The following LPAR1 variants were observed in gnomAD, a reference collection of about 807,000 sequenced individuals.
LPAR1 encodes the protein lysophosphatidic acid receptor 1.
Under a neutral mutation model 23.8 loss-of-function variants are expected in LPAR1, and 5 were observed. That is an observed-to-expected ratio of 0.21 (90% confidence interval 0.11 to 0.44). LPAR1 has a LOEUF of 0.44. Among genes scored for constraint, LPAR1 ranks in the 20% least tolerant of loss-of-function variants. The probability of loss-of-function intolerance (pLI) is 0.99; values close to 1 mark genes in which losing one functional copy is unlikely to be tolerated. For synonymous variants in LPAR1, 160 were observed against 164.7 expected, an observed-to-expected ratio of 0.97 and a Z score of 0.22; for missense variants, 311 against 482.8, an observed-to-expected ratio of 0.64 and a Z score of 3.33.
intron 2 of LPAR1, among the ~76,000 whole-genome samples, chr9:111,034,060 G>A (rs1458219234): frequency 6.6e-6 from 1 of 152,192 alleles, no homozygotes; most frequent in East Asian, 1.9e-4. Context: ...AAGATAATGA[G>A]TTAAATGCTT....
At chr9:111,024,772 C>A (rs956555806) in intron 2 of LPAR1, among the ~76,000 whole-genome samples, 11 of 151,836 alleles carry the variant, frequency 7.2e-5, no homozygotes, top group African/African-American at 2.7e-4. Context: ...CATTGTTCAA[C>A]TCCCACTTAT....
intron 5 of LPAR1, among the ~76,000 whole-genome samples, chr9:110,886,150 A>G (rs1248067302): frequency 6.8e-6 from 1 of 148,028 alleles, no homozygotes; most frequent in Non-Finnish European, 1.5e-5. Context: ...GTGAGCCAAG[A>G]TTGCACCATT....
chr9:110,979,051 C>T (rs62573240), intron 2 of LPAR1, among the ~76,000 whole-genome samples: 18,764 of 151,900 alleles, frequency 0.12, 1,189 homozygotes, highest in Middle Eastern at 0.16. Flanking sequence ...AATGATGATA[C>T]ATGGTATTCT....
At chr9:110,926,841 A>AGGGTT (rs2094075482) in intron 5 of LPAR1, among the ~76,000 whole-genome samples, 1 of 152,192 alleles carries the variant, frequency 6.6e-6, no homozygotes, top group Admixed American at 6.5e-5. Context: ...AAAGGTGAAA[A>AGGGTT]GGGTTTTAAA....
At chr9:110,978,345 G>A (rs1016913122) in intron 2 of LPAR1, among the ~76,000 whole-genome samples, 1 of 152,166 alleles carries the variant, frequency 6.6e-6, no homozygotes, top group Non-Finnish European at 1.5e-5. Context: ...ACTTCTCAGA[G>A]GTAGCTGGGG....
intron 2 of LPAR1, among the ~76,000 whole-genome samples, chr9:111,017,496 A>G (rs935119787): frequency 1.3e-5 from 2 of 152,346 alleles, no homozygotes. Flanking sequence ...CCAAGGCACA[A>G]AAGTGGTCCC....
At chr9:110,906,946 T>C (rs1283047935) in intron 5 of LPAR1, among the ~76,000 whole-genome samples, 2 of 141,082 alleles carry the variant, frequency 1.4e-5, no homozygotes, top group African/African-American at 4.9e-5. Flanking sequence ...CAAAAGGGAT[T>C]CAGATTAACA....
At position 110,941,242 on chromosome 9, in the gene LPAR1, T is replaced by C. The variant is rs1181099488; in HGVS notation, c.793+179A>G. Among the ~76,000 whole-genome samples the C allele has an allele frequency of 1.3e-5, 2 of 152,190 alleles. No individual in the cohort carries two copies. The highest frequency in any genetic ancestry group is 2.9e-5 in the Non-Finnish European group (2 of 68,020). ...ACCCATGTTTCCCTAACGCTAATTC[T>C]ATAATTTTAGGAAGACTCATAAGCT... On this transcript the variant is annotated intron_variant, in intron 5 of 5. Transcript: ENST00000683809. The surrounding 1 kb of genome is among the most constrained non-coding windows in gnomAD (Gnocchi z 6.1).
chr9:110,941,279 T>C lies in LPAR1; in HGVS notation c.793+142A>G. On this transcript the variant is annotated intron_variant, in intron 5 of 5. Transcript: ENST00000683809. This position sits in a 1 kb window ranked among gnomAD's most constrained non-coding sequence, Gnocchi z 6.1. The stretch of plus-strand genomic sequence containing the variant: ...AAGACTCATAAGCTGACATTTAATA[T>C]AAAGGTGCCTCATCCCCTTGTAATT... The C allele has an allele frequency of 1.4e-6, 1 of 730,810 alleles. No individual in the cohort carries two copies. Among genetic ancestry groups the C allele is most frequent in the African/African-American group, 1.8e-5 (1 of 57,016 alleles). The allele number at this position is 730,810 out of a possible 1,614,324, so 45.3% of individuals were successfully genotyped here.
intron 2 of LPAR1, among the ~76,000 whole-genome samples, chr9:111,010,040 T>C (rs12350713): frequency 7.0e-5 from 6 of 86,048 alleles, no homozygotes; most frequent in African/African-American, 4.6e-5. Flanking sequence ...TATATATATA[T>C]ATATATGGAT....
chr9:110,928,364 C>T (rs968928558), intron 5 of LPAR1, among the ~76,000 whole-genome samples: 4 of 152,154 alleles, frequency 2.6e-5, no homozygotes, highest in Non-Finnish European at 1.5e-5. Flanking sequence ...ATGTTACTAT[C>T]TCACTACGCT....
At chr9:110,960,304 T>C (rs538117747) in intron 4 of LPAR1, among the ~76,000 whole-genome samples, 2 of 152,202 alleles carry the variant, frequency 1.3e-5, no homozygotes, top group Non-Finnish European at 2.9e-5. Context: ...AAATATCACA[T>C]GTACCCTGTA....
chr9:110,931,340 CATT>C (rs1218927277), intron 5 of LPAR1, among the ~76,000 whole-genome samples: 2 of 152,124 alleles, frequency 1.3e-5, no homozygotes, highest in African/African-American at 2.4e-5. Flanking sequence ...AATTATCTGT[CATT>C]ATCTGCTACA....
At chr9:111,000,018 T>A (rs2097099092) in intron 2 of LPAR1, among the ~76,000 whole-genome samples, 1 of 151,966 alleles carries the variant, frequency 6.6e-6, no homozygotes, top group Admixed American at 6.6e-5. Context: ...GACTGTAGGG[T>A]CTCTTTTATA....
At chr9:110,959,220 T>A (rs2137178392) in intron 4 of LPAR1, among the ~76,000 whole-genome samples, 1 of 140,788 alleles carries the variant, frequency 7.1e-6, no homozygotes, top group Admixed American at 7.3e-5. Flanking sequence ...GATCTAGGTA[T>A]CCCTCTACTG....
chr9:110,922,478 A>T (rs1044341257), intron 5 of LPAR1, among the ~76,000 whole-genome samples: 1 of 152,310 alleles, frequency 6.6e-6, no homozygotes, highest in East Asian at 1.9e-4. Flanking sequence ...GCAGTGCCCA[A>T]CAGGTGCATA....
At chr9:110,889,399 AG>A in intron 5 of LPAR1, among the ~76,000 whole-genome samples, 1 of 152,116 alleles carries the variant, frequency 6.6e-6, no homozygotes, top group Non-Finnish European at 1.5e-5. Context: ...AACCACATTA[AG>A]TTGGTGAAAA....
intron 2 of LPAR1, among the ~76,000 whole-genome samples, chr9:111,014,503 C>T (rs1269011978): frequency 2.0e-5 from 3 of 151,994 alleles, no homozygotes; most frequent in African/African-American, 7.2e-5. Context: ...GCCATTCTTT[C>T]GGATCTCTTC....
chr9:110,998,132 AC>A (rs1259110767), intron 2 of LPAR1, among the ~76,000 whole-genome samples: 1 of 152,194 alleles, frequency 6.6e-6, no homozygotes, highest in Non-Finnish European at 1.5e-5. Flanking sequence ...ATGGGGCCAC[AC>A]TTTAAGAACC....
Sources: allele counts gnomAD v4.1 joint callset (sites outside exome capture counted in the v4.1 genomes callset), GRCh38; gene constraint gnomAD v4.1.1; non-coding constraint Gnocchi (gnomAD v3.1); transcripts MANE v1.5; gene names NCBI Gene and HGNC (gene_info 2026-07-23, HGNC 2026-07-21).